The following EYS variants were observed in gnomAD, a reference collection of about 807,000 sequenced individuals.
The protein encoded by EYS is EGF-like photoreceptor maintenance factor, also known as protein eyes shut homolog.
Under a neutral mutation model 282.1 loss-of-function variants are expected in EYS, and 250 were observed. The ratio of observed to expected loss-of-function variants is 0.89; its 90% CI spans 0.80 to 0.98. The LOEUF is 0.98. Ranked by LOEUF, EYS falls within the 50% of genes least tolerant of loss-of-function variation. The probability of loss-of-function intolerance (pLI) is 0.00; values close to 1 mark genes in which losing one functional copy is unlikely to be tolerated. For missense variants in EYS, 4,016 were observed against 3,709.0 expected, an observed-to-expected ratio of 1.08 and a Z score of -2.15; for synonymous variants, 1,355 against 1,282.9, an observed-to-expected ratio of 1.06 and a Z score of -1.20.
intron 12 of EYS, among the ~76,000 whole-genome samples, chr6:65,145,266 AT>A (rs1284900605): frequency 4.7e-5 from 7 of 149,754 alleles, no homozygotes; most frequent in African/African-American, 1.0e-4. Flanking sequence ...AATATTATGA[AT>A]TTTTTCAACA....
intron 7 of EYS, among the ~76,000 whole-genome samples, chr6:65,389,039 A>T (rs1765903227): frequency 6.6e-6 from 1 of 152,054 alleles, no homozygotes; most frequent in Non-Finnish European, 1.5e-5. Context: ...TCACTGTCCT[A>T]CCCAGTTTAC....
At chr6:64,920,884 C>A (rs930813020) in intron 15 of EYS, among the ~76,000 whole-genome samples, 2 of 151,946 alleles carry the variant, frequency 1.3e-5, no homozygotes, top group African/African-American at 4.8e-5. Context: ...AAACATTTTA[C>A]AAAATAATTC....
chr6:64,405,640 C>T (rs1464071585), intron 28 of EYS, among the ~76,000 whole-genome samples: 1 of 152,122 alleles, frequency 6.6e-6, no homozygotes, highest in Non-Finnish European at 1.5e-5. Flanking sequence ...TATCAGGATA[C>T]AAAATCAATG....
At chr6:65,690,437 C>A (rs1239268166) in intron 1 of EYS, among the ~76,000 whole-genome samples, 1 of 149,708 alleles carries the variant, frequency 6.7e-6, no homozygotes, top group Non-Finnish European at 1.5e-5. Context: ...GGGTCGCATT[C>A]CATTCCCAGA....
rs1386561687 is a variant in EYS, at chr6:64,902,416, A to T, written c.2726T>A (p.Val909Asp). 29 of 1,538,244 alleles carry T rather than the reference A, an allele frequency of 1.9e-5. No individual in the cohort carries two copies. The highest frequency in any genetic ancestry group is 2.5e-5 in the Non-Finnish European group (29 of 1,142,908). The stretch of plus-strand genomic sequence containing the variant: ...AAGTTTTCTGTACCTGAAATTGTTG[A>T]CCATATCTTCACAGTCACCATAATC... ...CQDYGDCEDM[V>D]NNFRCICRPG... is the part of the protein sequence containing the mutation. Residue 909 changes from valine to aspartate, a missense_variant, in exon 17 of 43, where the codon GTC becomes GAC. Physicochemically the swap from Val to Asp is radical, Grantham distance 152. Transcript: ENST00000503581.
intron 29 of EYS, among the ~76,000 whole-genome samples, chr6:64,324,567 C>T (rs908391492): frequency 1.3e-5 from 2 of 152,088 alleles, no homozygotes; most frequent in African/African-American, 4.8e-5. Flanking sequence ...CTTAAAAAGA[C>T]AAGGATGCCC....
At chr6:64,177,084 C>T (rs1365579794) in intron 31 of EYS, among the ~76,000 whole-genome samples, 8 of 151,574 alleles carry the variant, frequency 5.3e-5, no homozygotes, top group Admixed American at 2.6e-4. Flanking sequence ...ATAAATTATT[C>T]ATAATTTACA....
At chr6:64,691,560 G>A (rs115645531) in intron 22 of EYS, among the ~76,000 whole-genome samples, 2,399 of 152,114 alleles carry the variant, frequency 0.016, 62 homozygotes, top group African/African-American at 0.055. Flanking sequence ...TTTGTTACAT[G>A]GGAATATATG....
intron 12 of EYS, among the ~76,000 whole-genome samples, chr6:65,101,452 T>C (rs763681062): frequency 4.6e-5 from 7 of 151,276 alleles, no homozygotes; most frequent in Non-Finnish European, 7.4e-5. Flanking sequence ...CAACAGGCCA[T>C]ATGACGTATT....
intron 9 of EYS, among the ~76,000 whole-genome samples, chr6:65,347,656 T>C (rs1340491272): frequency 1.3e-5 from 2 of 151,576 alleles, no homozygotes; most frequent in East Asian, 1.9e-4. Context: ...AGGCATACAA[T>C]GTATAGCAAT....
chr6:65,021,838 A>G (rs1772261342), intron 13 of EYS, among the ~76,000 whole-genome samples: 1 of 152,228 alleles, frequency 6.6e-6, no homozygotes, highest in South Asian at 2.1e-4. Context: ...AGAAGCAAAC[A>G]CATCCTTCTT....
chr6:64,764,285 G>C (rs1773255065), intron 22 of EYS, among the ~76,000 whole-genome samples: 1 of 152,220 alleles, frequency 6.6e-6, no homozygotes, highest in South Asian at 2.1e-4. Flanking sequence ...CTGAAATCTA[G>C]GCAGGAGTTC....
intron 29 of EYS, among the ~76,000 whole-genome samples, chr6:64,308,792 C>T (rs6454783): frequency 0.72 from 108,971 of 151,850 alleles, 39,298 homozygotes; most frequent in African/African-American, 0.79. Context: ...CTCTGTCAAA[C>T]GTCAAAAATG....
At chr6:65,501,450 A>C (rs2127277562) in intron 2 of EYS, among the ~76,000 whole-genome samples, 1 of 152,056 alleles carries the variant, frequency 6.6e-6, no homozygotes, top group Admixed American at 6.6e-5. Context: ...TATTTTAATA[A>C]GGAAAAACTA....
intron 31 of EYS, among the ~76,000 whole-genome samples, chr6:64,174,175 A>T (rs1335971261): frequency 6.6e-6 from 1 of 152,118 alleles, no homozygotes; most frequent in African/African-American, 2.4e-5. Context: ...TAAATAAAAT[A>T]TCTGGCCAAT....
At chr6:65,658,554 G>A (rs1582572070) in intron 1 of EYS, among the ~76,000 whole-genome samples, 2 of 151,632 alleles carry the variant, frequency 1.3e-5, no homozygotes, top group South Asian at 4.2e-4. Flanking sequence ...TATGAATAAT[G>A]ATAACTATGA....
At chr6:63,836,413 T>G (rs2149694882) in intron 36 of EYS, among the ~76,000 whole-genome samples, 1 of 152,030 alleles carries the variant, frequency 6.6e-6, no homozygotes, top group East Asian at 1.9e-4. Context: ...AAAAAAAGAT[T>G]AACAGAAAGT....
At position 65,584,419 on chromosome 6, in the gene EYS, G is replaced by A. The variant is rs190514723; in HGVS notation, c.-333+55359C>T. Among the ~76,000 whole-genome samples the A allele has an allele frequency of 2.3e-3, 348 of 151,984 alleles. 2 individuals carry two copies. Among genetic ancestry groups the A allele is most frequent in the African/African-American group, 8.3e-3 (344 of 41,492 alleles). On this transcript the variant is annotated intron_variant, in intron 2 of 42. Coordinates refer to ENST00000503581, the MANE Select transcript of EYS (RefSeq NM_001142800.2). ...AACATTAGGAGACCCTAGAACAGGC[G>A]GTATTTATGGTTTCTATATCTGGGA...
intron 13 of EYS, among the ~76,000 whole-genome samples, chr6:65,012,910 T>C (rs1771924983): frequency 1.3e-5 from 2 of 150,332 alleles, no homozygotes; most frequent in African/African-American, 2.5e-5. Flanking sequence ...CTTTTTGCAA[T>C]AGCAATGCTT....
Sources: gnomAD v4.1 joint callset for allele counts (sites outside exome capture counted in the v4.1 genomes callset) on GRCh38, gnomAD v4.1.1 for gene constraint, MANE v1.5 for transcripts, NCBI Gene and HGNC (gene_info 2026-07-23, HGNC 2026-07-21) for gene names.